ACSL6: variants seen among roughly 807,000 people sequenced by gnomAD.
ACSL6 encodes the protein acyl-CoA synthetase long chain family member 6.
A neutral mutation model predicts 98.2 loss-of-function variants in ACSL6; 47 were observed. That is an observed-to-expected ratio of 0.48 (90% CI 0.38 to 0.61). The LOEUF is 0.61. ACSL6 is among the 20% of genes least tolerant of loss of function. The probability of loss-of-function intolerance (pLI) is 0.00; values close to 1 mark genes in which losing one functional copy is unlikely to be tolerated. For missense variants in ACSL6, 761 were observed against 913.4 expected (o/e 0.83, Z 2.15); for synonymous variants, 362 against 336.9 (o/e 1.07, Z -0.82).
intron 20 of ACSL6, among the ~76,000 whole-genome samples, chr5:131,957,513 T>C (rs914684205): frequency 1.1e-4 from 17 of 152,264 alleles, no homozygotes; most frequent in African/African-American, 4.1e-4. Context: ...GAATTGTCTG[T>C]TCTTGGAAAT....
intron 10 of ACSL6, 150 bp downstream of exon 10, chr5:131,976,498 G>A: frequency 4.1e-6 from 3 of 732,568 alleles, no homozygotes; most frequent in Non-Finnish European, 6.6e-6. Context: ...TTGCTCTAAT[G>A]AGAACAGAAA....
upstream of ACSL6, chr5:132,011,746 C>T: frequency 7.7e-7 from 1 of 1,301,222 alleles, no homozygotes; most frequent in Non-Finnish European, 9.8e-7. This position sits in a 1 kb window ranked among gnomAD's most constrained non-coding sequence, Gnocchi z 5.4. Flanking sequence ...GAGGGCGCGG[C>T]GCGCACTCGC....
intron 1 of ACSL6, among the ~76,000 whole-genome samples, chr5:131,996,338 G>T (rs962125839): frequency 6.6e-6 from 1 of 152,228 alleles, no homozygotes; most frequent in African/African-American, 2.4e-5. Context: ...TAGGTGACTA[G>T]CTGGCCTTCT....
chr5:131,986,833 G>A lies in ACSL6; in HGVS notation c.853C>T (p.Gln285Ter). 1 of 1,614,158 alleles carries A rather than the reference G, an allele frequency of 6.2e-7. No homozygotes were observed. The highest frequency in any genetic ancestry group is 8.5e-7 in the Non-Finnish European group (1 of 1,180,024). Reference protein sequence around the residue: ...AVEDCGQENHQAPVPPQPDDL... With the variant: ...AVEDCGQENH ...GTGAATTCGCTTACCACAGGAGCCT[G>A]GTGATTCTCTTGGCCACAGTCCTGA... Residue 285 changes from glutamine to a stop codon, truncating the protein, a stop_gained, in exon 8 of 21, where the codon CAG (glutamine) becomes TAG (stop). Transcript: ENST00000651883. LOFTEE classifies it high-confidence loss of function.
intron 2 of ACSL6, among the ~76,000 whole-genome samples, chr5:131,991,822 A>AG (rs897383589): frequency 6.6e-6 from 1 of 151,578 alleles, no homozygotes; most frequent in Non-Finnish European, 1.5e-5. Flanking sequence ...GTCTAAGGAA[A>AG]AAAACATCTG....
chr5:131,959,032 GA>G (rs768061567), intron 20 of ACSL6, among the ~76,000 whole-genome samples: 176 of 143,526 alleles, frequency 1.2e-3, no homozygotes, highest in African/African-American at 2.5e-3. Flanking sequence ...CAACCTTGCA[GA>G]AAAAAAAAAA....
chr5:131,986,802 C>A lies in ACSL6; in HGVS notation c.864+20G>T. On this transcript the variant is annotated intron_variant, in intron 8 of 20. Coordinates refer to ENST00000651883, the MANE Select transcript of ACSL6 (RefSeq NM_001009185.3). ...GCACGCCATCTCGCTCAATAAAGAC[C>A]TGCAGGTGAATTCGCTTACCACAGG... 6.2e-7 allele frequency: 1 copy of A among 1,614,136 alleles called. No homozygotes were observed. Among genetic ancestry groups the A allele is most frequent in the Non-Finnish European group, 8.5e-7 (1 of 1,179,982 alleles).
chr5:132,002,105 A>T (rs1755117221), intron 1 of ACSL6, among the ~76,000 whole-genome samples: 1 of 152,106 alleles, frequency 6.6e-6, no homozygotes, highest in Non-Finnish European at 1.5e-5. Context: ...ACGAGTTCAG[A>T]TCCTTCCACG....
chr5:131,975,453 G>T (rs1173793410), intron 10 of ACSL6: 3 of 985,350 alleles, frequency 3.0e-6, no homozygotes, highest in Non-Finnish European at 3.6e-6. Flanking sequence ...GGATTCAGAA[G>T]GTCTTGGCTA....
chr5:131,999,610 G>A (rs756464538), intron 1 of ACSL6: 5 of 152,344 alleles, frequency 3.3e-5, no homozygotes, highest in Non-Finnish European at 4.4e-5. Context: ...TGAGAAGCCG[G>A]GTGGTGGTAG....
At chr5:131,980,866 C>T (rs1753851416) in intron 9 of ACSL6, among the ~76,000 whole-genome samples, 1 of 152,150 alleles carries the variant, frequency 6.6e-6, no homozygotes, top group South Asian at 2.1e-4. Context: ...CAAGCCAATC[C>T]AGTTGCCAAC....
rs1381599506 is a variant in ACSL6 at position 132,002,479 on chromosome 5, G to T, written c.50-8228C>A. ...TCCAGCTAGAGGGAAGCTCCTTGAA[G>T]TAGGGAGGGTCCTGCCAATATATGG... On this transcript the variant is annotated intron_variant, in intron 1 of 20. Transcript: ENST00000651883. 2.0e-5 allele frequency among the ~76,000 whole-genome samples: 3 copies of T among 152,316 alleles called. No homozygotes were observed. The South Asian group carries it at 6.2e-4, about 32-fold the overall frequency.
intron 9 of ACSL6, among the ~76,000 whole-genome samples, chr5:131,981,343 A>C (rs1193846667): frequency 1.3e-5 from 2 of 152,032 alleles, no homozygotes; most frequent in East Asian, 1.9e-4. Context: ...AAAAAAAAAA[A>C]AACACAACTT....
intron 1 of ACSL6, among the ~76,000 whole-genome samples, chr5:132,003,162 T>A (rs1002454806): frequency 6.6e-6 from 1 of 152,214 alleles, no homozygotes; most frequent in Non-Finnish European, 1.5e-5. Context: ...TATTCTGGCA[T>A]CCCCATAGTC....
At chr5:131,977,416 C>A (rs1230780769) in intron 9 of ACSL6, among the ~76,000 whole-genome samples, 1 of 152,144 alleles carries the variant, frequency 6.6e-6, no homozygotes, top group Admixed American at 6.5e-5. Flanking sequence ...GACAACTTGG[C>A]CACCATTTCC....
At chr5:131,996,749 C>A (rs1754813525) in intron 1 of ACSL6, among the ~76,000 whole-genome samples, 1 of 152,200 alleles carries the variant, frequency 6.6e-6, no homozygotes, top group East Asian at 1.9e-4. Flanking sequence ...ACGCATCTGG[C>A]AGACCCTCAC....
Position 131,951,581 on chromosome 5 carries a change from GTT to G in ACSL6, c.*2651_*2652del, listed in dbSNP as rs565819711. On this transcript the variant is annotated 3_prime_UTR_variant, in exon 21 of 21. Coordinates refer to ENST00000651883, the MANE Select transcript of ACSL6 (RefSeq NM_001009185.3). Reference sequence around the variant, plus strand: ...GGCAAAAAGAAGAAACCTTGTTTTTGTTTTTTTTTTTTCTTTCTTTTTGAGAC... The same window carrying G: ...GGCAAAAAGAAGAAACCTTGTTTTTGTTTTTTTTTTCTTTCTTTTTGAGAC... 579 of 171,292 alleles carry G rather than the reference GTT, an allele frequency of 3.4e-3. 4 individuals are homozygous for G. The highest frequency in any genetic ancestry group is 0.013 in the African/African-American group (539 of 41,182). 10.6% of individuals were successfully genotyped at this position (171,292 alleles called of 1,614,324 possible).
chr5:131,988,940 G>T, intron 5 of ACSL6, 36 bp from the exon 6 acceptor site: 1 of 1,591,256 alleles, frequency 6.3e-7, no homozygotes, highest in Non-Finnish European at 8.6e-7. Flanking sequence ...GGGGAAGAAG[G>T]GGAGATTAGA....
In ACSL6 at chr5:131,971,570, G is replaced by A. The variant is rs748790641; in HGVS notation, c.1414C>T (p.Arg472Trp). 34 of 1,610,320 alleles carry A rather than the reference G, an allele frequency of 2.1e-5. No individual in the cohort carries two copies. Among genetic ancestry groups the A allele is most frequent in the African/African-American group, 9.4e-5 (7 of 74,862 alleles). Residue 472 changes from arginine (R) to tryptophan (W), a missense_variant, in exon 14 of 21, where the codon CGG (arginine) becomes TGG (tryptophan). Transcript: ENST00000651883. The stretch of plus-strand genomic sequence containing the variant: ...AATACCTGGCACCCTAGAGCTGCCC[G>A]GAGAAATCCCAGAACTGTTGGTGAT... The part of the protein sequence containing the change: ...PASPTVLGFL[R>W]AALGCQVYEG...
Sources: gnomAD v4.1 joint callset for allele counts (sites outside exome capture counted in the v4.1 genomes callset) on GRCh38, gnomAD v4.1.1 for gene constraint, Gnocchi (gnomAD v3.1) non-coding constraint, MANE v1.5 for transcripts, NCBI Gene and HGNC (gene_info 2026-07-23, HGNC 2026-07-21) for gene names.